NRIP1: variants seen among roughly 807,000 people sequenced by gnomAD.
NRIP1 encodes the protein nuclear receptor interacting protein 1.
NRIP1 carries 28 observed loss-of-function variants against 75.0 expected under a neutral mutation model. That is an observed-to-expected ratio of 0.37 (90% CI 0.28 to 0.51). The LOEUF is 0.51. NRIP1 is among the 20% of genes least tolerant of loss of function. The pLI is 0.92. For synonymous variants in NRIP1, 526 were observed against 487.6 expected (o/e 1.08, Z -1.04); for missense variants, 1,435 against 1,343.7 (o/e 1.07, Z -1.06).
chr21:15,042,423 T>C (rs1037928561), intron 2 of NRIP1, among the ~76,000 whole-genome samples: 5 of 152,172 alleles, frequency 3.3e-5, no homozygotes, highest in African/African-American at 9.7e-5. Flanking sequence ...CCACTGACAT[T>C]AGTCAAATTG....
intron 3 of NRIP1, among the ~76,000 whole-genome samples, chr21:14,977,213 A>C (rs992832126): frequency 6.6e-6 from 1 of 152,222 alleles, no homozygotes; most frequent in Non-Finnish European, 1.5e-5. Flanking sequence ...AAACATTAGA[A>C]GAAAAATATC....
intron 3 of NRIP1, among the ~76,000 whole-genome samples, chr21:14,991,933 A>T (rs2087583040): frequency 6.6e-6 from 1 of 152,196 alleles, no homozygotes; most frequent in South Asian, 2.1e-4. Context: ...ATCCAGAATT[A>T]AAAAGCTGCG....
chr21:14,966,310 C>T lies in NRIP1; in HGVS notation c.1883G>A (p.Ser628Asn). 1 of 1,614,166 alleles carries T rather than the reference C, an allele frequency of 6.2e-7. No homozygotes were observed. Among genetic ancestry groups the T allele is most frequent in the South Asian group, 1.1e-5 (1 of 91,086 alleles). ...TTGTGCTAAATTTTGTAACAGCTTACTGGCACTAAACGTTGCAGAGTTCTG... is the reference window on the plus strand; with the variant it reads ...TTGTGCTAAATTTTGTAACAGCTTATTGGCACTAAACGTTGCAGAGTTCTG... The part of the protein sequence containing the change: ...GAQNSATFSA[S>N]KLLQNLAQCG... The change falls in exon 4 of 4, where the codon AGT becomes AAT. Residue 628 changes from serine (S) to asparagine (N), a missense_variant. Coordinates refer to ENST00000318948, the MANE Select transcript of NRIP1 (RefSeq NM_003489.4).
chr21:15,031,188 C>T (rs71315801), intron 2 of NRIP1, among the ~76,000 whole-genome samples: 22 of 133,826 alleles, frequency 1.6e-4, no homozygotes, highest in South Asian at 8.1e-4. Flanking sequence ...CTCTGGAAGG[C>T]GTTCAGAGGT....
chr21:15,016,130 C>T (rs77752902), intron 2 of NRIP1, among the ~76,000 whole-genome samples: 66 of 152,230 alleles, frequency 4.3e-4, no homozygotes, highest in Non-Finnish European at 6.3e-4. Flanking sequence ...TTTCACAACT[C>T]GGTGAAATGA....
chr21:15,026,292 A>G (rs2088519718), intron 2 of NRIP1, among the ~76,000 whole-genome samples: 1 of 152,242 alleles, frequency 6.6e-6, no homozygotes, highest in Non-Finnish European at 1.5e-5. Context: ...AAAGATGTTC[A>G]GCCTCATTCG....
chr21:14,981,088 T>A (rs2087220483), intron 3 of NRIP1, among the ~76,000 whole-genome samples: 1 of 152,152 alleles, frequency 6.6e-6, no homozygotes, highest in African/African-American at 2.4e-5. Context: ...TCAATAAATC[T>A]GACTAGGTCC....
In NRIP1 at chr21:14,962,754, A is replaced by G. The variant is rs913195840; in HGVS notation, c.*1962T>C. The G allele has an allele frequency of 2.0e-5, 3 of 152,476 alleles. No individual in the cohort carries two copies. Among genetic ancestry groups the G allele is most frequent in the Non-Finnish European group, 2.9e-5 (2 of 67,950 alleles). 9.4% of individuals were successfully genotyped at this position (152,476 alleles called of 1,614,324 possible). A position where few individuals can be genotyped will look rare whatever the true frequency, so the allele number is the denominator to read the frequency against. On this transcript the variant is annotated 3_prime_UTR_variant, in exon 4 of 4. Coordinates refer to ENST00000318948, the MANE Select transcript of NRIP1 (RefSeq NM_003489.4). ...GCATAATACCCACTCCTATTACTGT[A>G]TAATATTTCCAGTAGCTATTTACAA...
intron 3 of NRIP1, among the ~76,000 whole-genome samples, chr21:14,999,117 G>A (rs958804565): frequency 3.3e-5 from 5 of 151,686 alleles, no homozygotes; most frequent in Non-Finnish European, 5.9e-5. Context: ...CAATCCTCTC[G>A]CCTCAACCTC....
chr21:15,036,150 T>A, intron 2 of NRIP1, among the ~76,000 whole-genome samples: 1 of 152,186 alleles, frequency 6.6e-6, no homozygotes, highest in East Asian at 1.9e-4. Flanking sequence ...AGAAGATCAA[T>A]ATTTTTTTAA....
At chr21:14,981,563 C>T (rs2087235243) in intron 3 of NRIP1, among the ~76,000 whole-genome samples, 1 of 152,108 alleles carries the variant, frequency 6.6e-6, no homozygotes, top group African/African-American at 2.4e-5. Context: ...GAGACAGAGG[C>T]AGATTAGCGG....
At chr21:15,049,522 A>G (rs1486234769) in intron 1 of NRIP1, among the ~76,000 whole-genome samples, 1 of 152,118 alleles carries the variant, frequency 6.6e-6, no homozygotes, top group African/African-American at 2.4e-5. Context: ...TGGCACTTGA[A>G]GTTACTGGAG....
intron 3 of NRIP1, among the ~76,000 whole-genome samples, chr21:15,008,632 T>C (rs894830920): frequency 6.6e-6 from 1 of 152,102 alleles, no homozygotes; most frequent in Non-Finnish European, 1.5e-5. Context: ...CACCGTGCAG[T>C]TATTAAAAAA....
Position 14,967,288 on chromosome 21 carries a change from G to A in NRIP1, c.905C>T (p.Ala302Val). The change falls in exon 4 of 4, where the codon GCC becomes GTC. Residue 302 changes from alanine to valine, a missense_variant. Coordinates refer to ENST00000318948, the MANE Select transcript of NRIP1 (RefSeq NM_003489.4). Reference sequence around the variant, plus strand: ...CTTCTGGCCATTTTCTTGCAATCTGGCCATAGCAGCAAGTCTTTCACTTGC... The same window carrying A: ...CTTCTGGCCATTTTCTTGCAATCTGACCATAGCAGCAAGTCTTTCACTTGC... Reference protein sequence around the residue: ...QAASERLAAMARLQENGQKDV... With the variant: ...QAASERLAAMVRLQENGQKDV... 6.2e-7 allele frequency: 1 copy of A among 1,613,942 alleles called. No individual in the cohort carries two copies.
chr21:15,037,052 T>C (rs894078941), intron 2 of NRIP1, among the ~76,000 whole-genome samples: 2 of 152,144 alleles, frequency 1.3e-5, no homozygotes, highest in African/African-American at 4.8e-5. Flanking sequence ...TTAAGCAAAA[T>C]AATAAGCAAA....
In NRIP1 at chr21:14,961,406, A is replaced by C. The variant is rs1228838164; in HGVS notation, c.*3310T>G. On this transcript the variant is annotated 3_prime_UTR_variant, in exon 4 of 4. Transcript: ENST00000318948. Reference sequence around the variant, plus strand: ...ATTATATTACTGAGCAGATCGCATCAAATTTGGTTGTGTAAACACCAGAAT... The same window carrying C: ...ATTATATTACTGAGCAGATCGCATCCAATTTGGTTGTGTAAACACCAGAAT... 1 of 152,446 alleles carries C rather than the reference A, an allele frequency of 6.6e-6. No individual in the cohort carries two copies. Among genetic ancestry groups the C allele is most frequent in the Non-Finnish European group, 1.5e-5 (1 of 67,896 alleles). The allele number at this position is 152,446 out of a possible 1,614,324, so 9.4% of individuals were successfully genotyped here.
rs2086620362 is a variant in NRIP1, at chr21:14,962,570, A to C, written c.*2146T>G. On this transcript the variant is annotated 3_prime_UTR_variant, in exon 4 of 4. Coordinates refer to ENST00000318948, the MANE Select transcript of NRIP1 (RefSeq NM_003489.4). ...TTCTGACATACCTCTAAGGCTCCAA[A>C]CCTTCCACAACGATCAAGAAAAATG... 1 of 152,406 alleles carries C rather than the reference A, an allele frequency of 6.6e-6. No homozygotes were observed. The highest frequency in any genetic ancestry group is 2.4e-5 in the African/African-American group (1 of 41,416). 9.4% of individuals were successfully genotyped at this position (152,406 alleles called of 1,614,324 possible). A position where few individuals can be genotyped will look rare whatever the true frequency, so the allele number is the denominator to read the frequency against.
At chr21:15,014,558 C>A (rs1400455755) in intron 2 of NRIP1, 92 bp from the exon 3 acceptor site, 2 of 397,706 alleles carry the variant, frequency 5.0e-6, no homozygotes, top group African/African-American at 4.1e-5. Flanking sequence ...ATTACCTTTT[C>A]TTGTTCAAGT....
At chr21:14,996,981 A>T (rs970227527) in intron 3 of NRIP1, among the ~76,000 whole-genome samples, 16 of 152,134 alleles carry the variant, frequency 1.1e-4, no homozygotes, top group Non-Finnish European at 1.9e-4. Flanking sequence ...CCAGTTAAAA[A>T]ATAAAACTTC....
Sources: allele counts gnomAD v4.1 joint callset (sites outside exome capture counted in the v4.1 genomes callset), GRCh38; gene constraint gnomAD v4.1.1; transcripts MANE v1.5; gene names NCBI Gene and HGNC (gene_info 2026-07-23, HGNC 2026-07-21).